Variants in PADI2 observed in about 807,000 individuals in gnomAD.
The protein encoded by PADI2 is protein-arginine deiminase type-2.
In PADI2, 70 loss-of-function variants were observed where a neutral mutation model predicts 81.1. The observed-to-expected ratio is 0.86, with a 90% CI of 0.71 to 1.05. PADI2 has a LOEUF of 1.05. PADI2 is among the 50% of genes least tolerant of loss of function. The probability of loss-of-function intolerance (pLI) is 0.00; values close to 1 mark genes in which losing one functional copy is unlikely to be tolerated. For synonymous variants in PADI2, 338 were observed against 358.0 expected (o/e 0.94, Z 0.63); for missense variants, 853 against 889.9 (o/e 0.96, Z 0.53).
chr1:17,104,999 A>G lies in PADI2; in HGVS notation c.155T>C (p.Val52Ala). The G allele has an allele frequency of 6.2e-7, 1 of 1,609,220 alleles. No homozygotes were observed. Among genetic ancestry groups the G allele is most frequent in the Non-Finnish European group, 8.5e-7 (1 of 1,178,042 alleles). ...CTCCTCAGCCTCCCCATCACGCACC[A>G]CCTCCACCCACACGTGTTCCGAGTG... ...LKHSEHVWVEVVRDGEAEEVA... is the reference protein window; with the variant it reads ...LKHSEHVWVEAVRDGEAEEVA... The change falls in exon 2 of 16, where the codon GTG (valine) becomes GCG (alanine). Residue 52 changes from valine (V) to alanine (A), a missense_variant. Coordinates refer to ENST00000375486, the MANE Select transcript of PADI2 (RefSeq NM_007365.3).
intron 1 of PADI2, among the ~76,000 whole-genome samples, chr1:17,107,949 CTT>C (rs565293543): frequency 4.3e-5 from 6 of 140,120 alleles, no homozygotes; most frequent in African/African-American, 5.2e-5. Flanking sequence ...GCATCCATCA[CTT>C]TTTTTTTTTT....
In PADI2 at chr1:17,104,762, A is replaced by G. The variant is rs1931296770; in HGVS notation, c.276+116T>C. On this transcript the variant is annotated intron_variant, in intron 2 of 15. Transcript: ENST00000375486. ...TTTGCCTTTTCAATGTGGTTACTGC[A>G]GAACTGAAAATGACACATGGCCCAC... is the stretch of plus-strand genomic sequence containing the variant. 6 of 915,770 alleles carry G rather than the reference A, an allele frequency of 6.6e-6. 1 individual carries two copies. The highest frequency in any genetic ancestry group is 4.4e-5 in the South Asian group (2 of 45,128). 56.7% of individuals were successfully genotyped at this position (915,770 alleles called of 1,614,324 possible). A position where few individuals can be genotyped will look rare whatever the true frequency, so the allele number is the denominator to read the frequency against.
intron 3 of PADI2, 22 bp from the exon 4 acceptor site, chr1:17,095,992 G>A: frequency 6.3e-7 from 1 of 1,593,328 alleles, no homozygotes; most frequent in Non-Finnish European, 8.6e-7. Context: ...AGACATGGGT[G>A]AGTTGCTGAG....
rs1931727593 is a variant in PADI2 at position 17,115,585 on chromosome 1, G to A, written c.92+3695C>T. 6.6e-6 allele frequency among the ~76,000 whole-genome samples: 1 copy of A among 152,172 alleles called. No individual in the cohort carries two copies. The highest frequency in any genetic ancestry group is 6.5e-5 in the Admixed American group (1 of 15,280). On this transcript the variant is annotated intron_variant, in intron 1 of 15. Transcript: ENST00000375486. The surrounding 1 kb of genome is among the most constrained non-coding windows in gnomAD (Gnocchi z 4.1). ...TCCCTAATAATCCTTCCAGACTCTG[G>A]GAGTGTCCATGCCTCCAGGGCTCAC...
intron 13 of PADI2, among the ~76,000 whole-genome samples, chr1:17,072,821 A>G (rs1372979809): frequency 1.3e-5 from 2 of 152,208 alleles, no homozygotes; most frequent in African/African-American, 4.8e-5. Context: ...CTATTTGTAC[A>G]AAAATAATGG....
At position 17,113,383 on chromosome 1, in the gene PADI2, G is replaced by A. The variant is rs116994818; in HGVS notation, c.92+5897C>T. Among the ~76,000 whole-genome samples the A allele has an allele frequency of 0.011, 1,736 of 152,132 alleles. 68 individuals are homozygous for A. In the East Asian group the frequency reaches 0.13, roughly 12 times the overall value. On this transcript the variant is annotated intron_variant, in intron 1 of 15. Coordinates refer to ENST00000375486, the MANE Select transcript of PADI2 (RefSeq NM_007365.3). ...CCACATGACCTCAGCCCATTCTTTC[G>A]ATAACCCCATGAGGCCCATACCACT...
chr1:17,101,558 T>A (rs1931143511), intron 3 of PADI2, among the ~76,000 whole-genome samples: 1 of 152,114 alleles, frequency 6.6e-6, no homozygotes, highest in African/African-American at 2.4e-5. Context: ...ATCCCGAGGT[T>A]CCCTACCCCA....
chr1:17,075,051 C>T, intron 12 of PADI2, 102 bp from the exon 13 acceptor site: 2 of 651,834 alleles, frequency 3.1e-6, no homozygotes, highest in Non-Finnish European at 5.4e-6. Context: ...CTGCTCATTG[C>T]CTCAGGCCTC....
chr1:17,106,354 C>A (rs1012541368), intron 1 of PADI2, among the ~76,000 whole-genome samples: 7 of 152,072 alleles, frequency 4.6e-5, no homozygotes, highest in Non-Finnish European at 1.0e-4. Context: ...CATGCTGAAG[C>A]CTTCACCCTC....
intron 11 of PADI2, among the ~76,000 whole-genome samples, chr1:17,076,301 G>A (rs80020716): frequency 0.6 from 90,863 of 151,410 alleles, 27,649 homozygotes; most frequent in Middle Eastern, 0.7. Flanking sequence ...TGCAACCTCT[G>A]CCTCCCGGGT....
At chr1:17,071,547 T>C in intron 13 of PADI2, 56 bp from the exon 14 acceptor site, 1 of 1,395,958 alleles carries the variant, frequency 7.2e-7, no homozygotes, top group Non-Finnish European at 1.0e-6. Flanking sequence ...GGCTGAGTGT[T>C]CCCCTTTTGC....
intron 1 of PADI2, among the ~76,000 whole-genome samples, chr1:17,108,507 A>G (rs1931464289): frequency 6.6e-6 from 1 of 152,008 alleles, no homozygotes; most frequent in Non-Finnish European, 1.5e-5. Flanking sequence ...CCTTTGGGTT[A>G]TAAGTCCCCT....
intron 4 of PADI2, among the ~76,000 whole-genome samples, chr1:17,094,132 G>C (rs1286437031): frequency 6.6e-6 from 1 of 152,190 alleles, no homozygotes; most frequent in Non-Finnish European, 1.5e-5. Context: ...CTACACTGCA[G>C]CCATAGCACT....
chr1:17,082,524 A>G (rs766401162), intron 10 of PADI2, 21 bp downstream of exon 10: 1 of 1,449,158 alleles, frequency 6.9e-7, no homozygotes, highest in East Asian at 2.3e-5. Flanking sequence ...CTCCACCCGC[A>G]AGTGGCCCTC....
intron 11 of PADI2, 87 bp downstream of exon 11, chr1:17,079,177 C>T: frequency 8.5e-7 from 1 of 1,177,106 alleles, no homozygotes; most frequent in Non-Finnish European, 1.2e-6. Flanking sequence ...CCACTTGCTC[C>T]ATGTGTGAGC....
intron 1 of PADI2, among the ~76,000 whole-genome samples, chr1:17,109,917 C>T (rs890512368): frequency 6.6e-5 from 10 of 152,200 alleles, no homozygotes; most frequent in Admixed American, 5.9e-4. Flanking sequence ...ATGCTTCCTG[C>T]CCACCTTCAT....
chr1:17,079,224 C>A, intron 11 of PADI2, 40 bp downstream of exon 11: 1 of 1,582,008 alleles, frequency 6.3e-7, no homozygotes, highest in Non-Finnish European at 8.6e-7. Flanking sequence ...AGTGACTTCC[C>A]CACTCCCACA....
chr1:17,074,018 C>A (rs1415010297), intron 13 of PADI2, among the ~76,000 whole-genome samples: 3 of 152,218 alleles, frequency 2.0e-5, no homozygotes, highest in Non-Finnish European at 4.4e-5. Context: ...TGTATTGCAT[C>A]TATTTTCTAT....
chr1:17,069,702 T>G (rs975909734), intron 15 of PADI2, among the ~76,000 whole-genome samples: 2 of 152,306 alleles, frequency 1.3e-5, no homozygotes, highest in Non-Finnish European at 2.9e-5. Flanking sequence ...TGCATGCACA[T>G]GTGTTTATGT....
Sources: allele counts gnomAD v4.1 joint callset (sites outside exome capture counted in the v4.1 genomes callset), GRCh38; gene constraint gnomAD v4.1.1; non-coding constraint Gnocchi (gnomAD v3.1); transcripts MANE v1.5; gene names NCBI Gene and HGNC (gene_info 2026-07-23, HGNC 2026-07-21).